Variants in CYP4F8 observed in about 807,000 individuals in gnomAD.
CYP4F8 encodes cytochrome P450 family 4 subfamily F member 8.
Under a neutral mutation model 55.0 loss-of-function variants are expected in CYP4F8, and 56 were observed. The ratio of observed to expected loss-of-function variants is 1.02; its 90% CI spans 0.82 to 1.27. The LOEUF (loss-of-function observed/expected upper bound fraction) is 1.27, where lower values mean the gene tolerates loss of function less well. Among genes scored for constraint, CYP4F8 ranks in the 50% most tolerant of loss-of-function variants. CYP4F8 has a pLI of 0.00. For missense variants in CYP4F8, 680 were observed against 682.4 expected (o/e 1.00, Z 0.04); for synonymous variants, 288 against 267.3 (o/e 1.08, Z -0.76).
rs1034820511 is a variant in CYP4F8 at position 15,628,525 on chromosome 19, C to G, written c.1250-6C>G. 6.2e-7 allele frequency: 1 copy of G among 1,613,684 alleles called. No homozygotes were observed. The highest frequency in any genetic ancestry group is 1.1e-5 in the South Asian group (1 of 91,074). On this transcript the variant is annotated splice_polypyrimidine_tract_variant and splice_region_variant and intron_variant, in intron 10 of 12. Transcript: ENST00000612078. Reference sequence around the variant, plus strand: ...CTTGTTCTTACTGTCCTCTCCTGCACGACAGGGAATGTCTGTAACATCAAC... The same window carrying G: ...CTTGTTCTTACTGTCCTCTCCTGCAGGACAGGGAATGTCTGTAACATCAAC...
chr19:15,622,375 G>A (rs749682402), intron 6 of CYP4F8, 35 bp downstream of exon 6: 4 of 1,598,548 alleles, frequency 2.5e-6, no homozygotes, highest in East Asian at 2.3e-5. Flanking sequence ...AACATGGGAT[G>A]GAGTGGGGGT....
In CYP4F8 at chr19:15,625,631, G is replaced by GT. The variant is rs565255631; in HGVS notation, c.1115+1545dup. Among the ~76,000 whole-genome samples, 13 of 151,566 alleles carry GT rather than the reference G, an allele frequency of 8.6e-5. No homozygotes were observed. In the South Asian group the frequency reaches 2.1e-3, roughly 24 times the overall value. On this transcript the variant is annotated intron_variant, in intron 9 of 12. Coordinates refer to ENST00000612078, the MANE Select transcript of CYP4F8 (RefSeq NM_007253.4). ...TCTGTCTCATTACTTTGTGTTTACA[G>GT]TTTTTTTTCCCTCGAGTTCCTATTT...
At chr19:15,621,662 T>C (rs1972195739) in intron 5 of CYP4F8, 2 of 152,382 alleles carry the variant, frequency 1.3e-5, no homozygotes, top group Admixed American at 1.3e-4. Context: ...ACAATGAAGA[T>C]GAATCAAGAT....
chr19:15,615,656 G>A lies in CYP4F8; in HGVS notation c.40G>A (p.Val14Met). Residue 14 changes from valine (V) to methionine (M), a missense_variant, in exon 2 of 13, where the codon GTG becomes ATG. Coordinates refer to ENST00000612078, the MANE Select transcript of CYP4F8 (RefSeq NM_007253.4). ...CCTGTCTTGGCTGGGCCTCAGGCCG[G>A]TGGCAGCATCCCCGTGGCTGCTCCT... ...LSLSWLGLRP[V>M]AASPWLLLLV... 1 of 1,613,924 alleles carries A rather than the reference G, an allele frequency of 6.2e-7. No homozygotes were observed. Among genetic ancestry groups the A allele is most frequent in the Non-Finnish European group, 8.5e-7 (1 of 1,179,922 alleles).
chr19:15,622,133 G>C, intron 5 of CYP4F8, 86 bp from the exon 6 acceptor site: 3 of 1,511,024 alleles, frequency 2.0e-6, no homozygotes, highest in Non-Finnish European at 2.7e-6. Context: ...GCATGCCTCT[G>C]GGGGAGTCCA....
At position 15,629,593 on chromosome 19, in the gene CYP4F8, G is replaced by C; in HGVS notation, c.*235G>C. The C allele has an allele frequency of 2.0e-6, 1 of 495,988 alleles. No homozygotes were observed. The highest frequency in any genetic ancestry group is 3.4e-6 in the Non-Finnish European group (1 of 292,702). 30.7% of individuals were successfully genotyped at this position (495,988 alleles called of 1,614,324 possible). ...GGTGAGCACAGGAGCCCCGTGCTGA[G>C]GGTGGGATCTCCCAGAGTCTAAGTA... On this transcript the variant is annotated 3_prime_UTR_variant, in exon 13 of 13. Coordinates refer to ENST00000612078, the MANE Select transcript of CYP4F8 (RefSeq NM_007253.4).
chr19:15,624,868 C>A (rs575071361), intron 9 of CYP4F8, among the ~76,000 whole-genome samples: 106 of 152,096 alleles, frequency 7.0e-4, no homozygotes, highest in Admixed American at 1.8e-3. Flanking sequence ...TCAGTTTTTG[C>A]GTAATTTGTT....
chr19:15,629,391 T>TCACCTACCTTTGCAC lies in CYP4F8; in HGVS notation c.*36_*50dup, dbSNP rs772406453. The TCACCTACCTTTGCAC allele has an allele frequency of 6.4e-7, 1 of 1,568,026 alleles. No homozygotes were observed. Among genetic ancestry groups the TCACCTACCTTTGCAC allele is most frequent in the East Asian group, 2.3e-5 (1 of 44,100 alleles). On this transcript the variant is annotated 3_prime_UTR_variant, in exon 13 of 13. Coordinates refer to ENST00000612078, the MANE Select transcript of CYP4F8 (RefSeq NM_007253.4). ...AGTGACCCACCCACCTACCTTTGCA[T>TCACCTACCTTTGCAC]CACCTACCTTTGCACCAACTACCTT...
chr19:15,626,289 G>A (rs1972260705), intron 9 of CYP4F8, among the ~76,000 whole-genome samples: 1 of 152,158 alleles, frequency 6.6e-6, no homozygotes, highest in Admixed American at 6.6e-5. Context: ...ATGTCCTGGA[G>A]GTTGCCTTCC....
At chr19:15,617,950 T>C in intron 2 of CYP4F8, 50 bp from the exon 3 acceptor site, 1 of 1,597,610 alleles carries the variant, frequency 6.3e-7, no homozygotes, top group Non-Finnish European at 8.5e-7. Context: ...GGGCATCCCT[T>C]AACCCAGTCA....
intron 11 of CYP4F8, 40 bp downstream of exon 11, chr19:15,628,635 C>A: frequency 6.2e-7 from 1 of 1,609,670 alleles, no homozygotes; most frequent in African/African-American, 1.3e-5. Context: ...CGGGCCTGGT[C>A]GGGGGAGGGG....
intron 3 of CYP4F8, 91 bp from the exon 4 acceptor site, chr19:15,619,399 C>T (rs561590737): frequency 4.9e-5 from 72 of 1,478,132 alleles, no homozygotes; most frequent in East Asian, 9.2e-5. Flanking sequence ...GGAGAAAAGA[C>T]GTCCAAACCT....
rs1972109674 is a variant in CYP4F8 at position 15,615,881 on chromosome 19, G to A, written c.198+67G>A. 31 of 1,106,738 alleles carry A rather than the reference G, an allele frequency of 2.8e-5. No individual in the cohort carries two copies. In the South Asian group the frequency reaches 5.8e-4, roughly 21 times the overall value. 68.6% of individuals were successfully genotyped at this position (1,106,738 alleles called of 1,614,324 possible). On this transcript the variant is annotated intron_variant, in intron 2 of 12. Coordinates refer to ENST00000612078, the MANE Select transcript of CYP4F8 (RefSeq NM_007253.4). Reference sequence around the variant, plus strand: ...GGTGGAAATGGGGCTCAGGCTGAGGGGGTGGGCTCGGGTCTGGGACGGCAG... The same window carrying A: ...GGTGGAAATGGGGCTCAGGCTGAGGAGGTGGGCTCGGGTCTGGGACGGCAG...
At position 15,627,982 on chromosome 19, in the gene CYP4F8, C is replaced by T. The variant is rs556461308; in HGVS notation, c.1116-320C>T. 25 of 318,830 alleles carry T rather than the reference C, an allele frequency of 7.8e-5. No homozygotes were observed. The East Asian group carries it at 1.7e-3, about 22-fold the overall frequency. The allele number at this position is 318,830 out of a possible 1,614,324, so 19.8% of individuals were successfully genotyped here. A position where few individuals can be genotyped will look rare whatever the true frequency, so the allele number is the denominator to read the frequency against. On this transcript the variant is annotated intron_variant, in intron 9 of 12. Coordinates refer to ENST00000612078, the MANE Select transcript of CYP4F8 (RefSeq NM_007253.4). ...CCATGTTGGTCAGGCTGGTGTGGAACTCCTGACCTCAAGTGATCCTCCTGC... is the reference window on the plus strand; with the variant it reads ...CCATGTTGGTCAGGCTGGTGTGGAATTCCTGACCTCAAGTGATCCTCCTGC...
At chr19:15,625,572 T>C (rs1972252722) in intron 9 of CYP4F8, among the ~76,000 whole-genome samples, 1 of 152,016 alleles carries the variant, frequency 6.6e-6, no homozygotes, top group South Asian at 2.1e-4. Context: ...TGAAGTCTAC[T>C]TTTAAAAACA....
intron 5 of CYP4F8, 36 bp from the exon 6 acceptor site, chr19:15,622,183 A>T: frequency 1.3e-6 from 2 of 1,595,262 alleles, no homozygotes; most frequent in Non-Finnish European, 8.5e-7. Flanking sequence ...AGAGGAGCCA[A>T]GGCCTGGCCC....
In CYP4F8 at chr19:15,623,709, G is replaced by C. The variant is rs751867904; in HGVS notation, c.929G>C (p.Gly310Ala). The C allele has an allele frequency of 1.3e-5, 21 of 1,614,040 alleles. No homozygotes were observed. Among genetic ancestry groups the C allele is most frequent in the Non-Finnish European group, 1.8e-5 (21 of 1,180,022 alleles). The change falls in exon 8 of 13, where the codon GGT becomes GCT. Residue 310 changes from glycine to alanine, a missense_variant. Coordinates refer to ENST00000612078, the MANE Select transcript of CYP4F8 (RefSeq NM_007253.4). ...DVLLLSEDKN[G>A]KELSDEDIRA... ...GGTTCTTGTCTCCAGGATAAAAATG[G>C]TAAAGAGTTGTCAGATGAGGACATA...
intron 3 of CYP4F8, 29 bp downstream of exon 3, chr19:15,618,173 C>A (rs536941613): frequency 1.5e-5 from 24 of 1,613,974 alleles, no homozygotes; most frequent in Non-Finnish European, 2.0e-5. Context: ...TGGTGGTGGG[C>A]ACAGGAGAAC....
At chr19:15,623,416 G>A (rs772056928) in intron 7 of CYP4F8, 41 bp downstream of exon 7, 3 of 1,603,624 alleles carry the variant, frequency 1.9e-6, no homozygotes, top group Non-Finnish European at 1.7e-6. Context: ...GTAAAATGGA[G>A]CTTCAGGTCA....
Sources: allele counts gnomAD v4.1 joint callset (sites outside exome capture counted in the v4.1 genomes callset), GRCh38; gene constraint gnomAD v4.1.1; transcripts MANE v1.5; gene names NCBI Gene and HGNC (gene_info 2026-07-23, HGNC 2026-07-21).